PTK2: variants seen among roughly 807,000 people sequenced by gnomAD.
PTK2 encodes the protein focal adhesion kinase 1.
Under a neutral mutation model 150.1 loss-of-function variants are expected in PTK2, and 45 were observed. The ratio of observed to expected loss-of-function variants is 0.30; its 90% CI spans 0.24 to 0.38. The LOEUF is 0.38. Ranked by LOEUF, PTK2 falls within the 10% of genes least tolerant of loss-of-function variation. The pLI, the probability that PTK2 is intolerant of heterozygous loss-of-function variation, is 1.00. For missense variants in PTK2, 919 were observed against 1,307.3 expected, an observed-to-expected ratio of 0.70 and a Z score of 4.58; for synonymous variants, 432 against 449.2, an observed-to-expected ratio of 0.96 and a Z score of 0.48.
At chr8:140,934,271 A>G (rs1029362874) in intron 1 of PTK2, among the ~76,000 whole-genome samples, 3 of 152,110 alleles carry the variant, frequency 2.0e-5, no homozygotes, top group Non-Finnish European at 4.4e-5. Context: ...CACTGGGGTC[A>G]GTGTCATGCG....
rs1349221147 is a variant in PTK2, at chr8:140,743,344, ATT to A, written c.1635-16_1635-15del. ...GCAGCAATGTCCCTGATAAAGAAGA[ATT>A]TGAGACAATAAGACTTAAAATAAGA... On this transcript the variant is annotated splice_polypyrimidine_tract_variant and intron_variant, in intron 19 of 31. Transcript: ENST00000522684. The A allele has an allele frequency of 6.3e-6, 10 of 1,594,574 alleles. No individual in the cohort carries two copies. The African/African-American group carries it at 1.3e-4, about 21-fold the overall frequency.
chr8:140,746,933 C>G, intron 17 of PTK2, 73 bp from the exon 21 acceptor site: 1 of 1,026,114 alleles, frequency 9.7e-7, no homozygotes, highest in Admixed American at 2.3e-5. Flanking sequence ...ATTCTGTCAC[C>G]AGGCTGGAGT....
rs543757204 is a variant in PTK2, at chr8:140,921,529, G to GA, written c.-33+4131dup. Reference sequence around the variant, plus strand: ...TTTGATGAAATAAAAATCCTTTCTGGAAAAAAATTCCTGATCTATCTATGT... The same window carrying GA: ...TTTGATGAAATAAAAATCCTTTCTGGAAAAAAAATTCCTGATCTATCTATGT... On this transcript the variant is annotated intron_variant, in intron 2 of 31. Transcript: ENST00000522684. Among the ~76,000 whole-genome samples the GA allele has an allele frequency of 2.4e-3, 370 of 152,006 alleles. 3 individuals carry two copies. The highest frequency in any genetic ancestry group is 8.7e-3 in the African/African-American group (361 of 41,466).
chr8:140,910,432 T>C (rs892915626), intron 2 of PTK2, among the ~76,000 whole-genome samples: 5 of 152,146 alleles, frequency 3.3e-5, no homozygotes, highest in African/African-American at 1.2e-4. Flanking sequence ...AAAGTATGTA[T>C]GGAAAAGTCT....
chr8:140,668,380 G>A (rs777726721), exon 30 of PTK2: 1 of 1,613,734 alleles, frequency 6.2e-7, no homozygotes, highest in Non-Finnish European at 8.5e-7. Context: ...CATTCGACCG[G>A]TCCAGGTTGG....
At chr8:140,982,681 T>A (rs368581550) in intron 1 of PTK2, among the ~76,000 whole-genome samples, 1 of 152,334 alleles carries the variant, frequency 6.6e-6, no homozygotes, top group Admixed American at 6.5e-5. Flanking sequence ...AGCAGAGCTA[T>A]ATTCAATTCC....
At chr8:140,865,906 T>C (rs2100138990) in intron 4 of PTK2, among the ~76,000 whole-genome samples, 1 of 152,100 alleles carries the variant, frequency 6.6e-6, no homozygotes, top group African/African-American at 2.4e-5. Flanking sequence ...CACCTCAGCC[T>C]CTCAAGTAGC....
chr8:140,728,199 CAAAA>C (rs1299819333), intron 22 of PTK2, among the ~76,000 whole-genome samples: 1 of 77,488 alleles, frequency 1.3e-5, no homozygotes, highest in Non-Finnish European at 2.7e-5. Context: ...GACTCCGTCT[CAAAA>C]AAAAAAAAAA....
chr8:140,720,816 C>T (rs892741425), intron 22 of PTK2, among the ~76,000 whole-genome samples: 8 of 152,174 alleles, frequency 5.3e-5, no homozygotes, highest in African/African-American at 1.7e-4. Context: ...TGCAGTGGCA[C>T]GATCTCAGCT....
At chr8:140,769,466 G>A in intron 14 of PTK2, 109 bp downstream of exon 16, 1 of 668,942 alleles carries the variant, frequency 1.5e-6, no homozygotes, top group Non-Finnish European at 2.1e-6. Flanking sequence ...TTTGTACTTG[G>A]TTCTGTTGGA....
Position 140,980,514 on chromosome 8 carries a change from C to G in PTK2, c.-122+20611G>C, listed in dbSNP as rs1384155550. Among the ~76,000 whole-genome samples, 3 of 151,908 alleles carry G rather than the reference C, an allele frequency of 2.0e-5. 1 individual carries two copies. The highest frequency in any genetic ancestry group is 7.2e-5 in the African/African-American group (3 of 41,382). ...GTGGGCGCCTGTAGTCCCAGCTACT[C>G]AGGAGGCTGAGGCAAGAGAATGGTG... On this transcript the variant is annotated intron_variant, in intron 1 of 31. Coordinates refer to ENST00000522684, the Ensembl canonical transcript of PTK2.
intron 14 of PTK2, among the ~76,000 whole-genome samples, chr8:140,782,613 T>C (rs1288398481): frequency 6.6e-6 from 1 of 152,058 alleles, no homozygotes; most frequent in Non-Finnish European, 1.5e-5. Flanking sequence ...ACTTATATAA[T>C]AGGTGACAAT....
At chr8:140,876,608 G>C (rs2100145666) in intron 4 of PTK2, among the ~76,000 whole-genome samples, 1 of 151,954 alleles carries the variant, frequency 6.6e-6, no homozygotes, top group Non-Finnish European at 1.5e-5. Flanking sequence ...ATTATCTCTT[G>C]GGATTATCTC....
At chr8:140,688,460 T>C (rs2100021260) in intron 26 of PTK2, among the ~76,000 whole-genome samples, 1 of 120,030 alleles carries the variant, frequency 8.3e-6, no homozygotes, top group Non-Finnish European at 1.9e-5. Context: ...GTGCCTGCAA[T>C]TTCACCTTAT....
chr8:140,800,520 T>A, exon 12 of PTK2: 1 of 1,613,966 alleles, frequency 6.2e-7, no homozygotes, highest in Non-Finnish European at 8.5e-7. Context: ...AGTACCCATC[T>A]ATTAGGTCAG....
intron 12 of PTK2, among the ~76,000 whole-genome samples, chr8:140,796,043 C>T (rs1490064722): frequency 6.6e-6 from 1 of 152,204 alleles, no homozygotes; most frequent in African/African-American, 2.4e-5. Context: ...GACTATTTAA[C>T]CTGCCTAAGG....
chr8:140,682,227 C>G (rs970850041), intron 27 of PTK2, among the ~76,000 whole-genome samples: 7 of 151,990 alleles, frequency 4.6e-5, no homozygotes, highest in African/African-American at 1.7e-4. Flanking sequence ...ACTAAAAATT[C>G]AAAAATTAGA....
intron 10 of PTK2, among the ~76,000 whole-genome samples, chr8:140,810,091 A>T (rs2100100539): frequency 6.6e-6 from 1 of 152,110 alleles, no homozygotes; most frequent in African/African-American, 2.4e-5. Context: ...CCCTGGGGGA[A>T]TGGGTGAGTG....
At chr8:140,683,774 A>C (rs1466243697) in intron 27 of PTK2, among the ~76,000 whole-genome samples, 1 of 49,388 alleles carries the variant, frequency 2.0e-5, no homozygotes, top group African/African-American at 5.6e-5. Context: ...CAATAGATGA[A>C]AAAAAAAAAA....
Sources: gnomAD v4.1 joint callset for allele counts (sites outside exome capture counted in the v4.1 genomes callset) on GRCh38, gnomAD v4.1.1 for gene constraint, MANE v1.5 for transcripts, NCBI Gene and HGNC (gene_info 2026-07-23, HGNC 2026-07-21) for gene names.